Variants in SULF2 observed in about 807,000 individuals in gnomAD.
SULF2 encodes the protein extracellular sulfatase Sulf-2.
SULF2 carries 52 observed loss-of-function variants against 107.7 expected under a neutral mutation model. The ratio of observed to expected loss-of-function variants is 0.48; its 90% CI spans 0.39 to 0.61. The LOEUF (loss-of-function observed/expected upper bound fraction) is 0.61. Ranked by LOEUF, SULF2 falls within the 20% of genes least tolerant of loss-of-function variation. The pLI, the probability that SULF2 is intolerant of heterozygous loss-of-function variation, is 0.00. For missense variants in SULF2, 993 were observed against 1,177.3 expected (o/e 0.84, Z 2.29); for synonymous variants, 460 against 464.3 (o/e 0.99, Z 0.12).
chr20:47,697,112 C>A (rs1412903354), intron 4 of SULF2, among the ~76,000 whole-genome samples: 3 of 152,142 alleles, frequency 2.0e-5, no homozygotes, highest in Non-Finnish European at 2.9e-5. Flanking sequence ...ACACCCAGGC[C>A]CACTTTTGCC....
At chr20:47,686,461 C>T (rs1023105329) in intron 5 of SULF2, among the ~76,000 whole-genome samples, 1 of 152,220 alleles carries the variant, frequency 6.6e-6, no homozygotes, top group Admixed American at 6.5e-5. Flanking sequence ...CTTCCTCGCC[C>T]TGGGCCTGAT....
chr20:47,677,672 T>C (rs538565419), intron 8 of SULF2, among the ~76,000 whole-genome samples: 1 of 152,346 alleles, frequency 6.6e-6, no homozygotes, highest in Admixed American at 6.5e-5. Context: ...ATGTAATTTG[T>C]ATGTTTCATC....
At chr20:47,765,228 G>A (rs1238218149) in intron 1 of SULF2, among the ~76,000 whole-genome samples, 1 of 151,976 alleles carries the variant, frequency 6.6e-6, no homozygotes, top group Non-Finnish European at 1.5e-5. Context: ...GGTGGCGGGC[G>A]CCTGTAGTCC....
intron 4 of SULF2, among the ~76,000 whole-genome samples, chr20:47,699,459 G>A (rs765596784): frequency 6.6e-6 from 1 of 151,822 alleles, no homozygotes; most frequent in Non-Finnish European, 1.5e-5. Flanking sequence ...CACAGTAGGT[G>A]CTCAGTAAAT....
intron 3 of SULF2, among the ~76,000 whole-genome samples, chr20:47,709,281 G>A (rs2088847781): frequency 6.6e-6 from 1 of 152,176 alleles, no homozygotes; most frequent in East Asian, 1.9e-4. Context: ...GTGGGGGTGG[G>A]AAAATTTGGC....
intron 5 of SULF2, among the ~76,000 whole-genome samples, chr20:47,689,140 C>G (rs568306973): frequency 7.9e-5 from 12 of 152,254 alleles, no homozygotes; most frequent in African/African-American, 2.9e-4. Context: ...GGTAAGTTAC[C>G]TTACCTCTCT....
chr20:47,724,042 G>A (rs1372205000), intron 3 of SULF2, among the ~76,000 whole-genome samples: 1 of 152,146 alleles, frequency 6.6e-6, no homozygotes, highest in Non-Finnish European at 1.5e-5. Context: ...GAACAAAGAG[G>A]CTAGGCAGCC....
chr20:47,769,475 G>A (rs2090588345), intron 1 of SULF2, among the ~76,000 whole-genome samples: 1 of 151,648 alleles, frequency 6.6e-6, no homozygotes, highest in Non-Finnish European at 1.5e-5. Context: ...TGGGATTACA[G>A]GCGTGAACCG....
intron 7 of SULF2, among the ~76,000 whole-genome samples, chr20:47,679,260 C>A (rs2087750099): frequency 6.6e-6 from 1 of 152,108 alleles, no homozygotes; most frequent in Non-Finnish European, 1.5e-5. Flanking sequence ...TGTCCTTTCC[C>A]TGGAGATCAG....
chr20:47,675,294 A>G (rs1325317840), intron 10 of SULF2, among the ~76,000 whole-genome samples: 1 of 152,126 alleles, frequency 6.6e-6, no homozygotes, highest in Non-Finnish European at 1.5e-5. Flanking sequence ...GGAGGGCAGG[A>G]GCTTCTGTTG....
chr20:47,690,109 A>G lies in SULF2; in HGVS notation c.737+17T>C, dbSNP rs373000787. ...ATGCTAAGCAGTGCCTCTGGCAGGC[A>G]GAGTGCTGAGGCTTACATGTGCTGA... On this transcript the variant is annotated intron_variant, in intron 5 of 20. Coordinates refer to ENST00000688720, the MANE Select transcript of SULF2 (RefSeq NM_001387048.1). 7.1e-7 allele frequency: 1 copy of G among 1,400,238 alleles called. No homozygotes were observed. The highest frequency in any genetic ancestry group is 1.5e-5 in the African/African-American group (1 of 68,794). 86.7% of individuals were successfully genotyped at this position (1,400,238 alleles called of 1,614,324 possible). A position where few individuals can be genotyped will look rare whatever the true frequency, so the allele number is the denominator to read the frequency against.
chr20:47,688,465 C>T (rs1337097814), intron 5 of SULF2, among the ~76,000 whole-genome samples: 4 of 152,220 alleles, frequency 2.6e-5, no homozygotes, highest in African/African-American at 4.8e-5. Flanking sequence ...ATTCCGGCAC[C>T]GCTCGCTGCT....
At chr20:47,687,533 G>A (rs576787257) in intron 5 of SULF2, among the ~76,000 whole-genome samples, 10 of 152,160 alleles carry the variant, frequency 6.6e-5, no homozygotes, top group South Asian at 2.1e-4. Context: ...AACATCCCTC[G>A]CCCCAAAGCC....
intron 2 of SULF2, among the ~76,000 whole-genome samples, chr20:47,740,095 C>A (rs1205565873): frequency 1.1e-4 from 17 of 152,182 alleles, no homozygotes; most frequent in Non-Finnish European, 2.2e-4. Context: ...GTCTTCTATG[C>A]CAGTAATAAT....
At chr20:47,710,842 C>T (rs767703380) in intron 3 of SULF2, among the ~76,000 whole-genome samples, 1 of 152,182 alleles carries the variant, frequency 6.6e-6, no homozygotes, top group Admixed American at 6.5e-5. Flanking sequence ...GGAGGCTCCA[C>T]GCGGCTGCTT....
chr20:47,692,311 C>T (rs1346288231), intron 4 of SULF2, among the ~76,000 whole-genome samples: 1 of 152,154 alleles, frequency 6.6e-6, no homozygotes, highest in African/African-American at 2.4e-5. Context: ...TCCACTATAT[C>T]CATATGCACA....
At chr20:47,725,814 G>A (rs894874705) in intron 3 of SULF2, among the ~76,000 whole-genome samples, 1 of 152,238 alleles carries the variant, frequency 6.6e-6, no homozygotes, top group African/African-American at 2.4e-5. Flanking sequence ...GGATGACAGA[G>A]GAAGCCCCGC....
intron 1 of SULF2, among the ~76,000 whole-genome samples, chr20:47,770,145 C>CT: frequency 6.7e-6 from 1 of 148,374 alleles, no homozygotes; most frequent in East Asian, 2.0e-4. Context: ...ACTGCAACCT[C>CT]CATTTCCCAG....
intron 4 of SULF2, among the ~76,000 whole-genome samples, chr20:47,701,427 T>A (rs2088565243): frequency 6.6e-6 from 1 of 152,182 alleles, no homozygotes; most frequent in East Asian, 1.9e-4. Flanking sequence ...CCACTTAAGA[T>A]CTGTGCATGT....
Sources: gnomAD v4.1 joint callset for allele counts (sites outside exome capture counted in the v4.1 genomes callset) on GRCh38, gnomAD v4.1.1 for gene constraint, MANE v1.5 for transcripts, NCBI Gene and HGNC (gene_info 2026-07-23, HGNC 2026-07-21) for gene names.